Variants in VNN2 observed in about 807,000 individuals in gnomAD.
The protein encoded by VNN2 is pantetheine hydrolase VNN2.
In VNN2, 43 loss-of-function variants were observed where a neutral mutation model predicts 43.0. The observed-to-expected ratio is 1.00, with a 90% CI of 0.78 to 1.29. The LOEUF (loss-of-function observed/expected upper bound fraction) is 1.29. Ranked by LOEUF, VNN2 falls within the 50% of genes most tolerant of loss-of-function variation. The pLI is 0.00. For missense variants in VNN2, 652 were observed against 619.7 expected (o/e 1.05, Z -0.55); for synonymous variants, 230 against 224.3 (o/e 1.03, Z -0.23).
chr6:132,750,973 T>C (rs1025507655), intron 5 of VNN2, among the ~76,000 whole-genome samples, 172 bp downstream of exon 5: 4 of 150,344 alleles, frequency 2.7e-5, no homozygotes, highest in Admixed American at 1.3e-4. Flanking sequence ...TTTATCCCAG[T>C]GTATGTACGT....
intron 3 of VNN2, chr6:132,753,664 T>C (rs961468089): frequency 1.8e-5 from 5 of 274,020 alleles, no homozygotes; most frequent in African/African-American, 9.0e-5. Context: ...ATTTTAAGAA[T>C]TGACAGGCCA....
rs1779602133 is a variant in VNN2, at chr6:132,744,438, T to G, written c.1425A>C (p.Leu475=). Residue 475 remains leucine (L), a synonymous_variant, in exon 7 of 7, where the codon CTA becomes CTC. Coordinates refer to ENST00000326499, the MANE Select transcript of VNN2 (RefSeq NM_004665.6). The part of the protein sequence containing the change: ...VNKNGSSGPI[L]TVSLFGRWYT... ...ACCACCTCCCAAAGAGTGACACTGT[T>G]AGTATAGGCCCAGATGATCCATTCT... is the stretch of plus-strand genomic sequence containing the variant. 1 of 1,613,312 alleles carries G rather than the reference T, an allele frequency of 6.2e-7. No homozygotes were observed.
At chr6:132,755,350 C>T (rs56739181) in intron 3 of VNN2, among the ~76,000 whole-genome samples, 1 of 142,626 alleles carries the variant, frequency 7.0e-6, no homozygotes, top group African/African-American at 2.6e-5. Flanking sequence ...TTTTTTACAA[C>T]GTGTCATTTT....
At chr6:132,752,894 T>C in intron 3 of VNN2, 145 bp from the exon 4 acceptor site, 1 of 818,912 alleles carries the variant, frequency 1.2e-6, no homozygotes, top group Non-Finnish European at 1.9e-6. Flanking sequence ...CAATTGGAAG[T>C]AAATTTCTAA....
upstream of VNN2, among the ~76,000 whole-genome samples, chr6:132,762,783 G>A (rs1438017163): frequency 2.0e-5 from 3 of 152,180 alleles, no homozygotes; most frequent in East Asian, 5.8e-4. Flanking sequence ...GGAAATGCTT[G>A]TGCAACATGA....
chr6:132,752,303 G>C (rs765899374), intron 4 of VNN2, among the ~76,000 whole-genome samples, 158 bp downstream of exon 4: 13 of 152,070 alleles, frequency 8.5e-5, no homozygotes, highest in South Asian at 2.1e-4. Context: ...TATAACCATA[G>C]CTTATAATCA....
chr6:132,747,642 T>A (rs1230830483), intron 6 of VNN2, among the ~76,000 whole-genome samples: 1 of 152,118 alleles, frequency 6.6e-6, no homozygotes, highest in Non-Finnish European at 1.5e-5. Flanking sequence ...TTAAAAATAA[T>A]TTAAAAAAAT....
chr6:132,749,713 C>T lies in VNN2; in HGVS notation c.1353G>A (p.Leu451=), dbSNP rs1395759485. 2 of 1,612,120 alleles carry T rather than the reference C, an allele frequency of 1.2e-6. No individual in the cohort carries two copies. The highest frequency in any genetic ancestry group is 1.7e-6 in the Non-Finnish European group (2 of 1,179,214). The change falls in exon 6 of 7, where the codon CTG becomes CTA. Residue 451 remains leucine, a synonymous_variant. Coordinates refer to ENST00000326499, the MANE Select transcript of VNN2 (RefSeq NM_004665.6). ...CTCTTACCTCAAATTTTCCAGGTGA[C>T]AGATGAATTTCGGTAAGTAGCACTT... The part of the protein sequence containing the change: ...FPEVLLTEIH[L]SPGKFEVLKD...
At chr6:132,755,710 A>C (rs1780420113) in intron 3 of VNN2, 133 bp downstream of exon 3, 1 of 1,047,882 alleles carries the variant, frequency 9.5e-7, no homozygotes, top group Non-Finnish European at 1.3e-6. Flanking sequence ...ACTTTCAAAA[A>C]ACAAAAAACA....
rs9493430 is a variant in VNN2 at position 132,756,101 on chromosome 6, C to T, written c.345-66G>A. 9,482 of 1,395,682 alleles carry T rather than the reference C, an allele frequency of 6.8e-3. 492 individuals carry two copies. In the African/African-American group the frequency reaches 0.12, roughly 17 times the overall value. The allele number at this position is 1,395,682 out of a possible 1,614,324, so 86.5% of individuals were successfully genotyped here. A position where few individuals can be genotyped will look rare whatever the true frequency, so the allele number is the denominator to read the frequency against. On this transcript the variant is annotated intron_variant, in intron 2 of 6. Coordinates refer to ENST00000326499, the MANE Select transcript of VNN2 (RefSeq NM_004665.6). ...ATATTTTAGTCACTTTATATGGAAA[C>T]GATAGCAACTGTAACCACTTAAGTG...
At chr6:132,755,222 CT>C (rs537312085) in intron 3 of VNN2, among the ~76,000 whole-genome samples, 194 of 149,556 alleles carry the variant, frequency 1.3e-3, no homozygotes, top group Non-Finnish European at 2.4e-3. Context: ...ACCTTAGTAT[CT>C]TTTTTTATGT....
rs199676927 is a variant in VNN2 at position 132,751,339 on chromosome 6, T to A, written c.1006A>T (p.Thr336Ser). The A allele has an allele frequency of 1.4e-4, 225 of 1,614,052 alleles. No homozygotes were observed. The highest frequency in any genetic ancestry group is 1.8e-4 in the Non-Finnish European group (213 of 1,180,024). Residue 336 changes from threonine (T) to serine (S), a missense_variant, in exon 5 of 7, where the codon ACT becomes TCT. Coordinates refer to ENST00000326499, the MANE Select transcript of VNN2 (RefSeq NM_004665.6). ...TCCCTGGAAATAAATCCCCTGAAAG[T>A]GTTTTTCTGTACTGGAAATGGTTTG... ...TIKPFPVQKN[T>S]FRGFISRDGF...
intron 3 of VNN2, chr6:132,752,954 C>G: frequency 1.9e-6 from 1 of 524,830 alleles, no homozygotes; most frequent in South Asian, 2.9e-5. Context: ...CTCTCATCTC[C>G]TCTCTCTCCC....
At chr6:132,760,816 G>C (rs1231407899), upstream of VNN2, 1 of 152,162 alleles carries the variant, frequency 6.6e-6, no homozygotes, top group Non-Finnish European at 1.5e-5. Context: ...GTAAAAGATA[G>C]AAATGATGTT....
At chr6:132,758,074 T>G, upstream of VNN2, 5 of 472,490 alleles carry the variant, frequency 1.1e-5, no homozygotes, top group East Asian at 3.6e-5. Context: ...GAGGCGGAGT[T>G]TGCTCTGTCA....
At chr6:132,749,577 A>C in intron 6 of VNN2, 118 bp downstream of exon 6, 1 of 1,071,672 alleles carries the variant, frequency 9.3e-7, no homozygotes. Context: ...GGGCTAAAGA[A>C]ATGGTTTTGA....
At chr6:132,758,518 C>G (rs1780637388), upstream of VNN2, among the ~76,000 whole-genome samples, 1 of 152,014 alleles carries the variant, frequency 6.6e-6, no homozygotes, top group Non-Finnish European at 1.5e-5. Context: ...ACAATTCCAG[C>G]TTTTGTTAAT....
chr6:132,747,532 G>A (rs1037419063), intron 6 of VNN2, among the ~76,000 whole-genome samples: 2 of 152,086 alleles, frequency 1.3e-5, no homozygotes, highest in Non-Finnish European at 2.9e-5. Flanking sequence ...CAGGAGAATC[G>A]CTTGAACCCA....
intron 1 of VNN2, chr6:132,763,240 G>C (rs898421395): frequency 1.3e-5 from 2 of 151,366 alleles, no homozygotes; most frequent in Non-Finnish European, 2.9e-5. Flanking sequence ...AAAAAAAAAA[G>C]ATAGATTAAA....
Sources: allele counts gnomAD v4.1 joint callset (sites outside exome capture counted in the v4.1 genomes callset), GRCh38; gene constraint gnomAD v4.1.1; transcripts MANE v1.5; gene names NCBI Gene and HGNC (gene_info 2026-07-23, HGNC 2026-07-21).